Variants in GRM8 observed in about 807,000 individuals in gnomAD.
GRM8 encodes metabotropic glutamate receptor 8.
In GRM8, 47 loss-of-function variants were observed where a neutral mutation model predicts 87.2. That is an observed-to-expected ratio of 0.54 (90% CI 0.43 to 0.69). The LOEUF (loss-of-function observed/expected upper bound fraction) is 0.69, where lower values mean the gene tolerates loss of function less well. GRM8 is among the 30% of genes least tolerant of loss of function. GRM8 has a pLI of 0.00. For missense variants in GRM8, 1,019 were observed against 1,139.2 expected, an observed-to-expected ratio of 0.89 and a Z score of 1.52; for synonymous variants, 396 against 404.5, an observed-to-expected ratio of 0.98 and a Z score of 0.25.
At chr7:127,245,989 T>C (rs966533943) in intron 1 of GRM8, among the ~76,000 whole-genome samples, 1 of 152,158 alleles carries the variant, frequency 6.6e-6, no homozygotes, top group Admixed American at 6.5e-5. Context: ...CAACTCTTTC[T>C]GTATTTGCCC....
At chr7:126,632,407 A>G (rs923123426) in intron 7 of GRM8, among the ~76,000 whole-genome samples, 2 of 152,164 alleles carry the variant, frequency 1.3e-5, no homozygotes, top group African/African-American at 4.8e-5. Flanking sequence ...GTTGTGGAGG[A>G]ACAGGAACAC....
intron 3 of GRM8, among the ~76,000 whole-genome samples, chr7:127,014,935 GAGAGAGAGAA>G (rs930719969): frequency 2.2e-5 from 3 of 139,136 alleles, no homozygotes; most frequent in African/African-American, 5.4e-5. Context: ...AGGAGAGAGA[GAGAGAGAGAA>G]AGAGAGAGAG....
chr7:126,444,270 C>T lies in GRM8; in HGVS notation c.2677+1856G>A, dbSNP rs148386515. 6.8e-3 allele frequency among the ~76,000 whole-genome samples: 1,042 copies of T among 152,142 alleles called. 12 individuals are homozygous for T. Among genetic ancestry groups the T allele is most frequent in the African/African-American group, 0.023 (976 of 41,542 alleles). On this transcript the variant is annotated intron_variant, in intron 10 of 10. Coordinates refer to ENST00000339582, the MANE Select transcript of GRM8 (RefSeq NM_000845.3). ...CTGTCCTCAAATCACAAGCATTCTACTTTGATGCCTTTAATGGCAGTTACA... is the reference window on the plus strand; with the variant it reads ...CTGTCCTCAAATCACAAGCATTCTATTTTGATGCCTTTAATGGCAGTTACA...
chr7:127,057,245 T>G (rs1820087981), intron 3 of GRM8, among the ~76,000 whole-genome samples: 1 of 152,212 alleles, frequency 6.6e-6, no homozygotes, highest in South Asian at 2.1e-4. Flanking sequence ...AATCTAGAAA[T>G]GAAGCAATCA....
chr7:126,557,859 A>T (rs188599447), intron 8 of GRM8, among the ~76,000 whole-genome samples: 140 of 152,288 alleles, frequency 9.2e-4, no homozygotes, highest in African/African-American at 3.3e-3. Flanking sequence ...TGTGCTTGCT[A>T]GGCACATGGT....
At chr7:126,450,787 G>A (rs2150482120) in intron 9 of GRM8, among the ~76,000 whole-genome samples, 1 of 152,002 alleles carries the variant, frequency 6.6e-6, no homozygotes, top group East Asian at 2.0e-4. Context: ...TTTGCTGGCT[G>A]AGCCTGAAAC....
chr7:126,800,236 T>C (rs1056165367), intron 6 of GRM8, among the ~76,000 whole-genome samples: 4 of 152,116 alleles, frequency 2.6e-5, no homozygotes, highest in Non-Finnish European at 5.9e-5. Context: ...CATATCCTAA[T>C]GCATTGCTTT....
At chr7:126,908,510 A>T (rs1037771445) in intron 3 of GRM8, among the ~76,000 whole-genome samples, 9 of 152,206 alleles carry the variant, frequency 5.9e-5, no homozygotes, top group Admixed American at 2.6e-4. Context: ...TAAGCATCCC[A>T]TTAAAGACAT....
At chr7:127,072,973 G>A (rs957924946) in intron 3 of GRM8, among the ~76,000 whole-genome samples, 1 of 124,768 alleles carries the variant, frequency 8.0e-6, no homozygotes, top group Non-Finnish European at 1.8e-5. Context: ...GGCCATCCTC[G>A]CTTCCTTTTC....
In GRM8 at chr7:126,489,067, C is replaced by T. The variant is rs556522389; in HGVS notation, c.2431-42695G>A. ...ATGCAGCCATATATAGTGGAAAAAA[C>T]CTAGGCTAGGAAATAGAAGATCTAA... On this transcript the variant is annotated intron_variant, in intron 9 of 10. Coordinates refer to ENST00000339582, the MANE Select transcript of GRM8 (RefSeq NM_000845.3). Among the ~76,000 whole-genome samples the T allele has an allele frequency of 6.6e-5, 10 of 151,736 alleles. No individual in the cohort carries two copies. The South Asian group carries it at 2.1e-3, about 32-fold the overall frequency.
chr7:126,770,280 ATAAAG>A (rs1000596770), intron 6 of GRM8, among the ~76,000 whole-genome samples: 76 of 152,298 alleles, frequency 5.0e-4, no homozygotes, highest in African/African-American at 1.8e-3. Context: ...ACAAAAAGAT[ATAAAG>A]TAAATAAAAG....
intron 7 of GRM8, among the ~76,000 whole-genome samples, chr7:126,659,059 G>C (rs1313709065): frequency 7.2e-6 from 1 of 138,100 alleles, no homozygotes; most frequent in Non-Finnish European, 1.5e-5. Context: ...CCCAGGTTCA[G>C]AGGCCTAAGT....
At chr7:126,966,463 T>C (rs571403883) in intron 3 of GRM8, among the ~76,000 whole-genome samples, 1 of 152,170 alleles carries the variant, frequency 6.6e-6, no homozygotes, top group African/African-American at 2.4e-5. Flanking sequence ...TTTGCAATTA[T>C]TTCACCTTAA....
chr7:126,764,077 C>T lies in GRM8; in HGVS notation c.1357+5788G>A, dbSNP rs537417982. On this transcript the variant is annotated intron_variant, in intron 7 of 10. Transcript: ENST00000339582. ...TCTTAATGTTCTAATATTAATGTTA[C>T]ATTTTATCTTTCTAATATAATTATT... Among the ~76,000 whole-genome samples, 18 of 151,924 alleles carry T rather than the reference C, an allele frequency of 1.2e-4. No individual in the cohort carries two copies. The South Asian group carries it at 3.5e-3, about 30-fold the overall frequency.
chr7:126,485,808 C>A (rs894580516), intron 9 of GRM8, among the ~76,000 whole-genome samples: 1 of 151,898 alleles, frequency 6.6e-6, no homozygotes, highest in African/African-American at 2.4e-5. Context: ...CTGGCCAAGA[C>A]AGAATGGGGA....
chr7:126,506,856 A>C lies in GRM8; in HGVS notation c.2430+26096T>G, dbSNP rs563311846. On this transcript the variant is annotated intron_variant, in intron 9 of 10. Transcript: ENST00000339582. ...TGTGCTTCCTCTGCTAGGCAACAGG[A>C]TATGTATGTAACTGAAAGGCAACTC... 2.0e-5 allele frequency among the ~76,000 whole-genome samples: 3 copies of C among 152,168 alleles called. No individual in the cohort carries two copies. In the East Asian group the frequency reaches 5.8e-4, roughly 30 times the overall value.
chr7:127,206,359 T>C (rs1795912303), intron 2 of GRM8, among the ~76,000 whole-genome samples: 1 of 152,136 alleles, frequency 6.6e-6, no homozygotes, highest in African/African-American at 2.4e-5. Flanking sequence ...TCCTAATCAA[T>C]ATGGAAATGT....
chr7:127,022,354 T>C (rs1428580046), intron 3 of GRM8, among the ~76,000 whole-genome samples: 4 of 152,060 alleles, frequency 2.6e-5, no homozygotes, highest in Admixed American at 1.3e-4. Context: ...TGGAGATGTA[T>C]TTAAATATAT....
At chr7:127,043,619 T>C (rs545536529) in intron 3 of GRM8, among the ~76,000 whole-genome samples, 109 of 151,818 alleles carry the variant, frequency 7.2e-4, no homozygotes, top group Admixed American at 5.2e-3. Context: ...TGTTGTAGGG[T>C]GTGGGGAGCG....
Sources: gnomAD v4.1 joint callset for allele counts (sites outside exome capture counted in the v4.1 genomes callset) on GRCh38, gnomAD v4.1.1 for gene constraint, MANE v1.5 for transcripts, NCBI Gene and HGNC (gene_info 2026-07-23, HGNC 2026-07-21) for gene names.